Variants in BRCC3 observed in about 807,000 individuals in gnomAD.
BRCC3 encodes the protein lys-63-specific deubiquitinase BRCC36.
In BRCC3, 15 loss-of-function variants were observed where a neutral mutation model predicts 28.0. The observed-to-expected ratio is 0.54, with a 90% CI of 0.36 to 0.82. The LOEUF is 0.82. Among genes scored for constraint, BRCC3 ranks in the 40% least tolerant of loss-of-function variants. The pLI, the probability that BRCC3 is intolerant of heterozygous loss-of-function variation, is 0.01. For missense variants in BRCC3, 109 were observed against 225.9 expected (o/e 0.48, Z 3.32); for synonymous variants, 66 against 80.3 (o/e 0.82, Z 0.95).
chrX:155,110,809 A>G (rs2074316506), intron 7 of BRCC3, among the ~76,000 whole-genome samples: 1 of 111,015 alleles, frequency 9.0e-6, no homozygotes, highest in Admixed American at 9.6e-5. Context: ...ACTGAACTCA[A>G]CTATATACTC....
chrX:155,119,892 CCTT>C, intron 9 of BRCC3, 104 bp from the exon 10 acceptor site: 1 of 646,583 alleles, frequency 1.5e-6, no homozygotes, highest in Non-Finnish European at 2.3e-6. Flanking sequence ...TTCTCCAACC[CCTT>C]CTTTCTGTGC....
intron 7 of BRCC3, among the ~76,000 whole-genome samples, chrX:155,093,625 T>C (rs1377596302): frequency 1.9e-5 from 2 of 106,154 alleles, no homozygotes; most frequent in Non-Finnish European, 3.9e-5. Context: ...GACAGGATTC[T>C]ATTGGATAAA....
rs1280566398 is a variant in BRCC3 at position 155,116,853 on chromosome X, G to A, written c.724+99G>A. The stretch of plus-strand genomic sequence containing the variant: ...TTTAGTTTAAGTGAGTGAAGTGATG[G>A]GTACAAGTTGTCTTCAGGCTTCCTT... On this transcript the variant is annotated intron_variant, in intron 9 of 10. Coordinates refer to ENST00000330045, the MANE Select transcript of BRCC3 (RefSeq NM_001018055.3). 8.7e-6 allele frequency: 5 copies of A among 571,635 alleles called. No individual in the cohort carries two copies. The African/African-American group carries it at 1.2e-4, about 13-fold the overall frequency. 47.1% of individuals were successfully genotyped at this position (571,635 alleles called of 1,213,427 possible).
At chrX:155,115,313 A>G (rs2074347281) in intron 7 of BRCC3, among the ~76,000 whole-genome samples, 1 of 111,729 alleles carries the variant, frequency 9.0e-6, no homozygotes, top group Non-Finnish European at 1.9e-5. Flanking sequence ...TGGTATGGGG[A>G]CTAGACATGT....
intron 6 of BRCC3, among the ~76,000 whole-genome samples, chrX:155,090,064 G>GTACT (rs2074164781): frequency 8.9e-6 from 1 of 112,330 alleles, no homozygotes; most frequent in African/African-American, 3.2e-5. Context: ...TGTATGGCAT[G>GTACT]TACTTATTAG....
At chrX:155,085,262 A>G (rs782663038) in intron 5 of BRCC3, among the ~76,000 whole-genome samples, 1 of 112,907 alleles carries the variant, frequency 8.9e-6, no homozygotes, top group South Asian at 3.6e-4. Context: ...GGCTTTTAAT[A>G]CTACATATGG....
At chrX:155,077,054 G>A in intron 3 of BRCC3, 116 bp from the exon 4 acceptor site, 2 of 681,589 alleles carry the variant, frequency 2.9e-6, no homozygotes, top group South Asian at 9.7e-5. Context: ...AAAAGTGTCA[G>A]TTTTCTAAAA....
chrX:155,105,037 C>T (rs1250852518), intron 7 of BRCC3, among the ~76,000 whole-genome samples: 2 of 111,828 alleles, frequency 1.8e-5, no homozygotes, highest in Non-Finnish European at 3.8e-5. Context: ...TTAACTCATA[C>T]TTTTTTCCCT....
intron 7 of BRCC3, among the ~76,000 whole-genome samples, chrX:155,106,930 A>G (rs1378649984): frequency 8.9e-6 from 1 of 112,243 alleles, no homozygotes; most frequent in Non-Finnish European, 1.9e-5. Flanking sequence ...TCTCTGCCAG[A>G]TAGTCTGTCA....
intron 3 of BRCC3, among the ~76,000 whole-genome samples, chrX:155,075,496 T>G (rs782208300): frequency 1.8e-5 from 2 of 112,341 alleles, no homozygotes; most frequent in South Asian, 7.4e-4. Flanking sequence ...CCAGATTATC[T>G]CATCTGAAAA....
At chrX:155,089,105 T>A (rs1351444394) in intron 5 of BRCC3, among the ~76,000 whole-genome samples, 158 bp from the exon 6 acceptor site, 2 of 111,935 alleles carry the variant, frequency 1.8e-5, no homozygotes, top group Non-Finnish European at 3.8e-5. Context: ...TACTTTGATA[T>A]TGTCCTTAGG....
In BRCC3 at chrX:155,075,195, C is replaced by G. The variant is rs781809618; in HGVS notation, c.195+1764C>G. Among the ~76,000 whole-genome samples, 10 of 112,010 alleles carry G rather than the reference C, an allele frequency of 8.9e-5. No homozygotes were observed. In the South Asian group the frequency reaches 3.3e-3, roughly 37 times the overall value. ...ACTTGCTGCATATCTGAAATCAGAC[C>G]TGTTGCACAGTGAAAATCTATAGCT... On this transcript the variant is annotated intron_variant, in intron 3 of 10. Transcript: ENST00000330045.
At chrX:155,118,079 G>A (rs1210521212) in intron 9 of BRCC3, among the ~76,000 whole-genome samples, 6 of 111,982 alleles carry the variant, frequency 5.4e-5, no homozygotes. Context: ...AGGTATATAC[G>A]TCAAAGAATT....
chrX:155,092,875 T>C (rs1222746846), intron 7 of BRCC3, among the ~76,000 whole-genome samples: 2 of 111,389 alleles, frequency 1.8e-5, no homozygotes, highest in East Asian at 5.6e-4. Flanking sequence ...CTAAGAATGG[T>C]GTGTATTTCA....
At chrX:155,076,829 G>A (rs1002300198) in intron 3 of BRCC3, among the ~76,000 whole-genome samples, 25 of 111,850 alleles carry the variant, frequency 2.2e-4, no homozygotes, top group South Asian at 3.7e-4. Flanking sequence ...CAACCATGTC[G>A]TTAGCACATT....
chrX:155,099,270 CCT>C, intron 7 of BRCC3: 1 of 1,194,234 alleles, frequency 8.4e-7, no homozygotes. Flanking sequence ...GACCCAGACT[CCT>C]CTATTTTGCT....
chrX:155,088,652 C>T (rs113298600), intron 5 of BRCC3, among the ~76,000 whole-genome samples: 1,196 of 111,391 alleles, frequency 0.011, 6 homozygotes, highest in Middle Eastern at 0.023. Flanking sequence ...CACGCCTGGC[C>T]GTTTTTGGCA....
rs1267864889 is a variant in BRCC3, at chrX:155,122,278, A to G, written c.*1074A>G. 1 of 112,157 alleles carries G rather than the reference A, an allele frequency of 8.9e-6. No homozygotes were observed. Among genetic ancestry groups the G allele is most frequent in the African/African-American group, 3.2e-5 (1 of 30,864 alleles). 9.2% of individuals were successfully genotyped at this position (112,157 alleles called of 1,213,427 possible). ...TGTTAAACTCCATAAGTCATCAGGG[A>G]ATGCAAATTGAAACCACAGCGAGGC... On this transcript the variant is annotated 3_prime_UTR_variant, in exon 11 of 11. Coordinates refer to ENST00000330045, the MANE Select transcript of BRCC3 (RefSeq NM_001018055.3).
intron 7 of BRCC3, among the ~76,000 whole-genome samples, chrX:155,099,596 G>C (rs1470820120): frequency 8.9e-6 from 1 of 112,004 alleles, no homozygotes; most frequent in Non-Finnish European, 1.9e-5. Flanking sequence ...CTGTTATCAA[G>C]GAGGAAAGTG....
Sources: allele counts gnomAD v4.1 joint callset (sites outside exome capture counted in the v4.1 genomes callset), GRCh38; gene constraint gnomAD v4.1.1; transcripts MANE v1.5; gene names NCBI Gene and HGNC (gene_info 2026-07-23, HGNC 2026-07-21).